Variants in SEC24B observed in about 807,000 individuals in gnomAD.
The protein encoded by SEC24B is protein transport protein Sec24B.
In SEC24B, 45 loss-of-function variants were observed where a neutral mutation model predicts 142.8. The ratio of observed to expected loss-of-function variants is 0.32; its 90% CI spans 0.25 to 0.40. The LOEUF is 0.40. SEC24B is among the 10% of genes least tolerant of loss of function. The pLI is 1.00. For missense variants in SEC24B, 1,409 were observed against 1,526.8 expected (o/e 0.92, Z 1.29); for synonymous variants, 574 against 568.2 (o/e 1.01, Z -0.15).
chr4:109,494,612 T>C lies in SEC24B; in HGVS notation c.1247-3T>C, dbSNP rs1211790554. 1.9e-6 allele frequency: 3 copies of C among 1,613,822 alleles called. No individual in the cohort carries two copies. Among genetic ancestry groups the C allele is most frequent in the South Asian group, 2.2e-5 (2 of 91,088 alleles). On this transcript the variant is annotated splice_polypyrimidine_tract_variant and splice_region_variant and intron_variant, in intron 5 of 23. Transcript: ENST00000265175. Reference sequence around the variant, plus strand: ...GTTAACACCATGTGTTTCCATTTTTTAGATATGCTTTCTTCATCAGCAAGC... The same window carrying C: ...GTTAACACCATGTGTTTCCATTTTTCAGATATGCTTTCTTCATCAGCAAGC...
chr4:109,498,328 G>A (rs943489228), intron 6 of SEC24B, among the ~76,000 whole-genome samples: 14 of 152,090 alleles, frequency 9.2e-5, no homozygotes, highest in African/African-American at 2.9e-4. Context: ...AATTTTCATC[G>A]AAGATTAAAA....
chr4:109,506,205 A>G (rs1229440419), intron 6 of SEC24B, 123 bp from the exon 7 acceptor site: 3 of 595,086 alleles, frequency 5.0e-6, no homozygotes, highest in East Asian at 3.4e-5. Context: ...TTGACTGCAT[A>G]CCAAGCCAGA....
intron 1 of SEC24B, among the ~76,000 whole-genome samples, chr4:109,434,352 G>A (rs961824021): frequency 1.3e-5 from 2 of 152,164 alleles, no homozygotes; most frequent in Non-Finnish European, 2.9e-5. Flanking sequence ...GTAAAACCCA[G>A]TTACCTAGCC....
At chr4:109,461,156 A>G (rs1731216152) in intron 1 of SEC24B, among the ~76,000 whole-genome samples, 1 of 152,196 alleles carries the variant, frequency 6.6e-6, no homozygotes, top group Admixed American at 6.5e-5. Flanking sequence ...AGACACCCAA[A>G]TGAGAGTCTC....
At chr4:109,462,879 C>A in intron 1 of SEC24B, 22 bp from the exon 2 acceptor site, 1 of 1,432,860 alleles carries the variant, frequency 7.0e-7, no homozygotes, top group Non-Finnish European at 9.2e-7. Flanking sequence ...TTACAAATAC[C>A]TGTAAATACT....
intron 1 of SEC24B, among the ~76,000 whole-genome samples, chr4:109,442,386 A>G (rs1729015024): frequency 6.6e-6 from 1 of 152,180 alleles, no homozygotes; most frequent in Non-Finnish European, 1.5e-5. Context: ...TAACATTTTA[A>G]CAAAGATAAT....
At chr4:109,487,120 A>ACG (rs1734441532) in intron 4 of SEC24B, among the ~76,000 whole-genome samples, 1 of 149,718 alleles carries the variant, frequency 6.7e-6, no homozygotes, top group Non-Finnish European at 1.5e-5. Context: ...AGCTGAGATC[A>ACG]CGCCACTGCA....
Position 109,531,540 on chromosome 4 carries a change from T to C in SEC24B, c.3390+18T>C. The C allele has an allele frequency of 6.4e-7, 1 of 1,562,726 alleles. No homozygotes were observed. Among genetic ancestry groups the C allele is most frequent in the Non-Finnish European group, 8.8e-7 (1 of 1,135,736 alleles). On this transcript the variant is annotated intron_variant, in intron 20 of 23. Coordinates refer to ENST00000265175, the MANE Select transcript of SEC24B (RefSeq NM_006323.5). ...CAGATGAGGTATGTATTTTAGTGCA[T>C]TTGAAATGTTTAAATTTGAATATAT...
chr4:109,510,127 A>G lies in SEC24B; in HGVS notation c.1776+16A>G. On this transcript the variant is annotated intron_variant, in intron 8 of 23. Transcript: ENST00000265175. ...AGACCTAACGGTAAAGTAACATTTTATAATATTTATGGGTACTGACATGTA... is the reference window on the plus strand; with the variant it reads ...AGACCTAACGGTAAAGTAACATTTTGTAATATTTATGGGTACTGACATGTA... The G allele has an allele frequency of 7.0e-7, 1 of 1,430,426 alleles. No individual in the cohort carries two copies. The highest frequency in any genetic ancestry group is 9.7e-7 in the Non-Finnish European group (1 of 1,027,108). 88.6% of individuals were successfully genotyped at this position (1,430,426 alleles called of 1,614,324 possible).
At chr4:109,534,403 G>A (rs898381865) in intron 22 of SEC24B, among the ~76,000 whole-genome samples, 2 of 151,826 alleles carry the variant, frequency 1.3e-5, no homozygotes, top group Non-Finnish European at 2.9e-5. Context: ...TGGTGAACAC[G>A]GTGAAACCCC....
At chr4:109,507,561 A>G (rs1208438034) in intron 7 of SEC24B, among the ~76,000 whole-genome samples, 1 of 152,074 alleles carries the variant, frequency 6.6e-6, no homozygotes, top group Non-Finnish European at 1.5e-5. Flanking sequence ...GGTGTGATCC[A>G]CCGCGCTTGG....
chr4:109,527,974 T>C lies in SEC24B; in HGVS notation c.3076+542T>C, dbSNP rs75007596. ...AAACTGAAATGTCCTTCAAATAATA[T>C]ATGCACAATCCATGGTACACTCATA... On this transcript the variant is annotated intron_variant, in intron 18 of 23. Coordinates refer to ENST00000265175, the MANE Select transcript of SEC24B (RefSeq NM_006323.5). Among the ~76,000 whole-genome samples, 1,242 of 152,286 alleles carry C rather than the reference T, an allele frequency of 8.2e-3. 21 individuals carry two copies. The highest frequency in any genetic ancestry group is 0.028 in the African/African-American group (1,160 of 41,566).
chr4:109,445,862 G>A (rs764488363), intron 1 of SEC24B, among the ~76,000 whole-genome samples: 45 of 152,096 alleles, frequency 3.0e-4, no homozygotes, highest in Non-Finnish European at 5.1e-4. Context: ...GTGAGCCACC[G>A]CACCCAGCCT....
chr4:109,438,400 A>G lies in SEC24B; in HGVS notation c.133+4398A>G, dbSNP rs372691407. On this transcript the variant is annotated intron_variant, in intron 1 of 23. Transcript: ENST00000265175. Reference sequence around the variant, plus strand: ...GCCATCATAGCTCACTGCAGCCTTGAACTCCTGGGCTCAAGCAGTCTTCCC... The same window carrying G: ...GCCATCATAGCTCACTGCAGCCTTGGACTCCTGGGCTCAAGCAGTCTTCCC... Among the ~76,000 whole-genome samples the G allele has an allele frequency of 1.3e-4, 20 of 152,212 alleles. No homozygotes were observed. The East Asian group carries it at 2.7e-3, about 21-fold the overall frequency.
At chr4:109,460,544 A>AG (rs1731142874) in intron 1 of SEC24B, among the ~76,000 whole-genome samples, 1 of 152,128 alleles carries the variant, frequency 6.6e-6, no homozygotes, top group African/African-American at 2.4e-5. Flanking sequence ...TTTGTAGCAA[A>AG]GGACAGCAGA....
chr4:109,462,845 T>A, intron 1 of SEC24B, 56 bp from the exon 2 acceptor site: 1 of 1,316,654 alleles, frequency 7.6e-7, no homozygotes, highest in Non-Finnish European at 1.0e-6. Context: ...AAATGGGGGC[T>A]ATTTTTAAAA....
chr4:109,434,192 G>GGCGCGGGGC (rs1308516051), intron 1 of SEC24B, among the ~76,000 whole-genome samples, 190 bp downstream of exon 1: 4 of 151,316 alleles, frequency 2.6e-5, no homozygotes, highest in Admixed American at 6.6e-5. Context: ...GGGAAGGCAC[G>GGCGCGGGGC]GCGCGGGGCG....
Position 109,481,754 on chromosome 4 carries a change from G to A in SEC24B, c.1138G>A (p.Glu380Lys), listed in dbSNP as rs757061047. The A allele has an allele frequency of 3.4e-5, 55 of 1,613,626 alleles. No individual in the cohort carries two copies. In the Admixed American group the frequency reaches 4.0e-4, roughly 12 times the overall value. The change falls in exon 4 of 24, where the codon GAA becomes AAA. Residue 380 changes from glutamate (E) to lysine (K), a missense_variant. By Grantham distance (56) the Glu-to-Lys change is moderately conservative. Transcript: ENST00000265175. The part of the protein sequence containing the change: ...TPLSSTSDDE[E>K]EEEEDEEAGV... ...CTTGTCATCAACTTCCGATGATGAG[G>A]AAGAGGAGGAGGAGGATGAGGAAGC... is the stretch of plus-strand genomic sequence containing the variant.
At chr4:109,520,793 G>A (rs1723521610) in intron 12 of SEC24B, among the ~76,000 whole-genome samples, 1 of 152,140 alleles carries the variant, frequency 6.6e-6, no homozygotes, top group Non-Finnish European at 1.5e-5. Context: ...AGGAGTTCGA[G>A]ACCAGCCTAA....
Sources: allele counts gnomAD v4.1 joint callset (sites outside exome capture counted in the v4.1 genomes callset), GRCh38; gene constraint gnomAD v4.1.1; transcripts MANE v1.5; gene names NCBI Gene and HGNC (gene_info 2026-07-23, HGNC 2026-07-21).